Variants in CDH8 observed in about 807,000 individuals in gnomAD.
CDH8 encodes cadherin 8.
In CDH8, 17 loss-of-function variants were observed where a neutral mutation model predicts 68.1. The observed-to-expected ratio is 0.25, with a 90% confidence interval of 0.17 to 0.37. CDH8 has a LOEUF of 0.37. Among genes scored for constraint, CDH8 ranks in the 10% least tolerant of loss-of-function variants. The pLI is 1.00. For missense variants in CDH8, 763 were observed against 999.3 expected, an observed-to-expected ratio of 0.76 and a Z score of 3.19; for synonymous variants, 372 against 365.1, an observed-to-expected ratio of 1.02 and a Z score of -0.21.
chr16:62,004,076 A>G (rs865909372), intron 2 of CDH8, among the ~76,000 whole-genome samples: 15 of 152,344 alleles, frequency 9.8e-5, no homozygotes, highest in Admixed American at 4.6e-4. Context: ...ATAGAGTGAC[A>G]GGATTTAAAA....
intron 9 of CDH8, chr16:61,714,184 G>A: frequency 2.0e-6 from 1 of 490,480 alleles, no homozygotes; most frequent in East Asian, 3.7e-5. Context: ...TTACCTTTGT[G>A]TCCATTTGGT....
At chr16:61,784,297 A>G (rs1285714376) in intron 8 of CDH8, among the ~76,000 whole-genome samples, 2 of 151,666 alleles carry the variant, frequency 1.3e-5, no homozygotes, top group African/African-American at 4.8e-5. Context: ...CTAGTATCTG[A>G]TAAAACAGAC....
intron 2 of CDH8, among the ~76,000 whole-genome samples, chr16:61,989,182 G>C (rs72800829): frequency 6.6e-6 from 1 of 152,050 alleles, no homozygotes; most frequent in Non-Finnish European, 1.5e-5. Flanking sequence ...AAAATAGATA[G>C]ATGAAAAATA....
intron 2 of CDH8, among the ~76,000 whole-genome samples, chr16:61,938,897 A>G (rs758181909): frequency 4.5e-4 from 68 of 152,178 alleles, no homozygotes; most frequent in Non-Finnish European, 7.9e-4. Flanking sequence ...ATGAGATGAT[A>G]TATGTAAAAT....
intron 2 of CDH8, among the ~76,000 whole-genome samples, chr16:61,956,221 ATATC>A (rs1446668235): frequency 6.6e-6 from 1 of 152,190 alleles, no homozygotes; most frequent in Non-Finnish European, 1.5e-5. Context: ...CTTTTTAAGA[ATATC>A]TACACGCTGA....
chr16:61,896,678 G>A (rs1040637283), intron 3 of CDH8, among the ~76,000 whole-genome samples: 2 of 152,138 alleles, frequency 1.3e-5, no homozygotes, highest in African/African-American at 4.8e-5. Context: ...CCTTTAACCA[G>A]AGAGGCTGTA....
At chr16:61,933,080 T>A (rs969093304) in intron 2 of CDH8, among the ~76,000 whole-genome samples, 2 of 152,192 alleles carry the variant, frequency 1.3e-5, no homozygotes, top group African/African-American at 4.8e-5. Flanking sequence ...TTCTTACTCC[T>A]AATAACACTG....
intron 2 of CDH8, among the ~76,000 whole-genome samples, chr16:62,016,291 G>A (rs553222450): frequency 6.6e-6 from 1 of 152,310 alleles, no homozygotes; most frequent in South Asian, 2.1e-4. Context: ...GAGCTCATTA[G>A]TTCCATGCAG....
intron 1 of CDH8, among the ~76,000 whole-genome samples, chr16:62,031,677 A>AACAC (rs10528241): frequency 0.016 from 2,375 of 149,742 alleles, 42 homozygotes; most frequent in African/African-American, 0.036. Flanking sequence ...CACACCCACA[A>AACAC]ACACACACAC....
intron 8 of CDH8, among the ~76,000 whole-genome samples, chr16:61,727,619 T>C (rs1032390414): frequency 2.6e-5 from 4 of 151,150 alleles, no homozygotes; most frequent in Middle Eastern, 3.4e-3. Context: ...GGCTGTATAA[T>C]AGAGATGAAC....
intron 8 of CDH8, among the ~76,000 whole-genome samples, chr16:61,737,054 T>C (rs993266942): frequency 1.3e-5 from 2 of 152,092 alleles, no homozygotes; most frequent in Non-Finnish European, 2.9e-5. Context: ...ACCATTTGAG[T>C]AGTAGTGACT....
intron 7 of CDH8, among the ~76,000 whole-genome samples, chr16:61,801,888 G>A (rs1567477257): frequency 6.6e-6 from 1 of 151,252 alleles, no homozygotes; most frequent in Non-Finnish European, 1.5e-5. Context: ...GAGGCTGGGG[G>A]AGGGGCGCCC....
Position 61,960,319 on chromosome 16 carries a change from A to G in CDH8, c.253-58846T>C, listed in dbSNP as rs1176598579. Reference sequence around the variant, plus strand: ...CGTGTGTGTGTATACACACATATATACGTGTGTGTGTATACACACATATAT... The same window carrying G: ...CGTGTGTGTGTATACACACATATATGCGTGTGTGTGTATACACACATATAT... On this transcript the variant is annotated intron_variant, in intron 2 of 11. Coordinates refer to ENST00000577390, the MANE Select transcript of CDH8 (RefSeq NM_001796.5). Among the ~76,000 whole-genome samples, 2 of 92,440 alleles carry G rather than the reference A, an allele frequency of 2.2e-5. 1 individual carries two copies. The highest frequency in any genetic ancestry group is 1.5e-4 in the African/African-American group (2 of 13,424). The allele number at this position is 92,440 out of a possible 152,430, so 60.6% of individuals were successfully genotyped here.
In CDH8 at chr16:61,680,198, G is replaced by A. The variant is rs554130637; in HGVS notation, c.1655-24477C>T. On this transcript the variant is annotated intron_variant, in intron 10 of 11. Coordinates refer to ENST00000577390, the MANE Select transcript of CDH8 (RefSeq NM_001796.5). ...CAAACATACATCTTCAAAACACTTCGGTGATTGTCCATTACTCTAATAAAC... is the reference window on the plus strand; with the variant it reads ...CAAACATACATCTTCAAAACACTTCAGTGATTGTCCATTACTCTAATAAAC... Among the ~76,000 whole-genome samples the A allele has an allele frequency of 9.9e-5, 15 of 151,898 alleles. No individual in the cohort carries two copies. The South Asian group carries it at 1.7e-3, about 17-fold the overall frequency.
intron 4 of CDH8, among the ~76,000 whole-genome samples, chr16:61,837,088 G>C (rs1309192131): frequency 6.6e-6 from 1 of 151,816 alleles, no homozygotes; most frequent in African/African-American, 2.4e-5. Flanking sequence ...TCTTCCCAGT[G>C]CAGTGACTTG....
Position 61,648,218 on chromosome 16 carries a change from C to A in CDH8, c.*5390G>T, listed in dbSNP as rs73570962. 1.4e-3 allele frequency: 238 copies of A among 172,752 alleles called. No individual in the cohort carries two copies. The highest frequency in any genetic ancestry group is 5.1e-3 in the African/African-American group (215 of 42,014). The allele number at this position is 172,752 out of a possible 1,614,324, so 10.7% of individuals were successfully genotyped here. A position where few individuals can be genotyped will look rare whatever the true frequency, so the allele number is the denominator to read the frequency against. ...AATTCCTTATAACGTTTCTGAACTT[C>A]ATTTTTCCTATCCATAAAACACTAC... On this transcript the variant is annotated 3_prime_UTR_variant, in exon 12 of 12. Coordinates refer to ENST00000577390, the MANE Select transcript of CDH8 (RefSeq NM_001796.5).
rs140996556 is a variant in CDH8, at chr16:61,715,727, A to G, written c.1537-1769T>C. Among the ~76,000 whole-genome samples the G allele has an allele frequency of 3.3e-5, 5 of 151,770 alleles. 1 individual carries two copies. Among genetic ancestry groups the G allele is most frequent in the African/African-American group, 1.2e-4 (5 of 41,480 alleles). On this transcript the variant is annotated intron_variant, in intron 9 of 11. Coordinates refer to ENST00000577390, the MANE Select transcript of CDH8 (RefSeq NM_001796.5). ...ACATAGCATATTTGCCTTGACATTT[A>G]AGTGTAGAGAGAGGCCCTAGGGTAC...
chr16:61,701,359 A>G (rs1307363200), intron 10 of CDH8, among the ~76,000 whole-genome samples: 1 of 152,212 alleles, frequency 6.6e-6, no homozygotes, highest in African/African-American at 2.4e-5. Context: ...AAGTTTATAA[A>G]CATTGCTTAT....
chr16:61,936,087 G>A (rs1209569278), intron 2 of CDH8, among the ~76,000 whole-genome samples: 2 of 152,074 alleles, frequency 1.3e-5, no homozygotes, highest in African/African-American at 2.4e-5. Context: ...GGGGGCAATA[G>A]TAATACTTAC....
Sources: gnomAD v4.1 joint callset for allele counts (sites outside exome capture counted in the v4.1 genomes callset) on GRCh38, gnomAD v4.1.1 for gene constraint, MANE v1.5 for transcripts, NCBI Gene and HGNC (gene_info 2026-07-23, HGNC 2026-07-21) for gene names.